Variants in MCPH1 observed in about 807,000 individuals in gnomAD.
MCPH1 encodes the protein microcephalin.
Under a neutral mutation model 84.5 loss-of-function variants are expected in MCPH1, and 104 were observed. The observed-to-expected ratio is 1.23, with a 90% CI of 1.05 to 1.45. MCPH1 has a LOEUF of 1.45. Ranked by LOEUF, MCPH1 falls within the 40% of genes most tolerant of loss-of-function variation. The probability of loss-of-function intolerance (pLI) is 0.00; values close to 1 mark genes in which losing one functional copy is unlikely to be tolerated. For synonymous variants in MCPH1, 514 were observed against 366.8 expected (o/e 1.40, Z -4.58); for missense variants, 1,498 against 1,005.7 (o/e 1.49, Z -6.62).
intron 11 of MCPH1, among the ~76,000 whole-genome samples, chr8:6,485,771 G>T (rs1809815003): frequency 6.6e-6 from 1 of 152,076 alleles, no homozygotes; most frequent in Admixed American, 6.6e-5. Flanking sequence ...AACCATGATG[G>T]CAGTCAGGTA....
At chr8:6,467,530 C>T (rs7011385) in intron 9 of MCPH1, among the ~76,000 whole-genome samples, 11,858 of 152,058 alleles carry the variant, frequency 0.078, 758 homozygotes, top group East Asian at 0.27. Flanking sequence ...TTAACAAAAA[C>T]GAGGGACCAT....
intron 12 of MCPH1, among the ~76,000 whole-genome samples, chr8:6,606,865 C>G (rs1829817680): frequency 6.6e-6 from 1 of 152,218 alleles, no homozygotes; most frequent in African/African-American, 2.4e-5. Context: ...TTTCCCTGCA[C>G]AAGCTCTCTT....
intron 12 of MCPH1, among the ~76,000 whole-genome samples, chr8:6,595,238 C>A (rs2442577): frequency 0.18 from 26,708 of 152,126 alleles, 2,909 homozygotes; most frequent in Non-Finnish European, 0.24. Context: ...GATCCCTGTC[C>A]ACATGGAGAC....
chr8:6,640,095 TGTGC>T (rs1170066051), intron 13 of MCPH1, among the ~76,000 whole-genome samples: 260 of 138,644 alleles, frequency 1.9e-3, no homozygotes, highest in South Asian at 7.6e-3. Flanking sequence ...TGTGTGTGTG[TGTGC>T]GCGCGCGTGT....
At chr8:6,496,555 G>C (rs1426509331) in intron 11 of MCPH1, among the ~76,000 whole-genome samples, 1 of 142,072 alleles carries the variant, frequency 7.0e-6, no homozygotes, top group East Asian at 2.2e-4. Flanking sequence ...TTCCTTTCCA[G>C]TTACATTCCC....
chr8:6,598,147 G>A (rs1273950090), intron 12 of MCPH1, among the ~76,000 whole-genome samples: 1 of 152,212 alleles, frequency 6.6e-6, no homozygotes, highest in Non-Finnish European at 1.5e-5. Flanking sequence ...AGGAGGAAAG[G>A]GGATGCTTCT....
intron 8 of MCPH1, among the ~76,000 whole-genome samples, chr8:6,451,570 T>C (rs1051131288): frequency 6.6e-6 from 1 of 152,212 alleles, no homozygotes; most frequent in Non-Finnish European, 1.5e-5. Flanking sequence ...GTGTTGTTTT[T>C]GTTTTTTTCA....
At chr8:6,448,233 C>G (rs529762290) in intron 8 of MCPH1, among the ~76,000 whole-genome samples, 1 of 152,200 alleles carries the variant, frequency 6.6e-6, no homozygotes, top group African/African-American at 2.4e-5. Flanking sequence ...AGGTGACATC[C>G]GATCACAGGC....
At chr8:6,472,020 G>A (rs1469635902) in intron 9 of MCPH1, among the ~76,000 whole-genome samples, 1 of 152,164 alleles carries the variant, frequency 6.6e-6, no homozygotes, top group Admixed American at 6.5e-5. Flanking sequence ...TAGTTATGGT[G>A]TGCAAAACAG....
intron 4 of MCPH1, among the ~76,000 whole-genome samples, chr8:6,434,264 C>T (rs1802314642): frequency 2.0e-5 from 3 of 152,284 alleles, no homozygotes; most frequent in Middle Eastern, 3.4e-3. Context: ...AACCAGGAAG[C>T]GCAAGATGGA....
At chr8:6,627,633 A>G (rs13439562) in intron 13 of MCPH1, among the ~76,000 whole-genome samples, 3,978 of 152,276 alleles carry the variant, frequency 0.026, 193 homozygotes, top group African/African-American at 0.091. Flanking sequence ...GCCCATGCCT[A>G]TAATCCCAGC....
chr8:6,518,800 T>C (rs1436284062), intron 12 of MCPH1, among the ~76,000 whole-genome samples: 1 of 152,216 alleles, frequency 6.6e-6, no homozygotes, highest in East Asian at 1.9e-4. Flanking sequence ...ACATTTAATA[T>C]ATACAGTTAT....
chr8:6,632,420 T>A (rs1306991558), intron 13 of MCPH1, among the ~76,000 whole-genome samples: 2 of 152,030 alleles, frequency 1.3e-5, no homozygotes, highest in East Asian at 3.8e-4. Flanking sequence ...TATAAAGTTT[T>A]ACAGGAAAAA....
intron 11 of MCPH1, among the ~76,000 whole-genome samples, chr8:6,493,440 C>A (rs1456974215): frequency 6.6e-6 from 1 of 152,184 alleles, no homozygotes. Flanking sequence ...CAGTCTCTAT[C>A]GGTCAATGTC....
intron 5 of MCPH1, among the ~76,000 whole-genome samples, chr8:6,437,433 G>A (rs1802823698): frequency 6.6e-6 from 1 of 152,066 alleles, no homozygotes; most frequent in Non-Finnish European, 1.5e-5. Context: ...GTTTCACCAT[G>A]TTGGCCAGGA....
chr8:6,423,026 T>C (rs1441987662), intron 3 of MCPH1, among the ~76,000 whole-genome samples: 1 of 151,304 alleles, frequency 6.6e-6, no homozygotes, highest in Non-Finnish European at 1.5e-5. Flanking sequence ...TTTCACCATG[T>C]TGGCCAGGCT....
intron 12 of MCPH1, among the ~76,000 whole-genome samples, chr8:6,590,569 C>T (rs1283882530): frequency 6.6e-6 from 1 of 152,176 alleles, no homozygotes; most frequent in Non-Finnish European, 1.5e-5. Flanking sequence ...GAATCTGGTT[C>T]TAAAAACCAA....
In MCPH1 at chr8:6,546,759, C is replaced by G. The variant is rs113996087; in HGVS notation, c.2214+46830C>G. Reference sequence around the variant, plus strand: ...GCTTGCACTTGGTAGGATATAAACTCAACGTACCCTCTTCCTCCCCTTCCC... The same window carrying G: ...GCTTGCACTTGGTAGGATATAAACTGAACGTACCCTCTTCCTCCCCTTCCC... On this transcript the variant is annotated intron_variant, in intron 12 of 13. Transcript: ENST00000344683. 6.3e-3 allele frequency among the ~76,000 whole-genome samples: 962 copies of G among 152,300 alleles called. 16 individuals are homozygous for G. Among genetic ancestry groups the G allele is most frequent in the African/African-American group, 0.022 (913 of 41,552 alleles).
Position 6,492,871 on chromosome 8 carries a change from C to T in MCPH1, c.2137-6981C>T, listed in dbSNP as rs78622773. On this transcript the variant is annotated intron_variant, in intron 11 of 13. Coordinates refer to ENST00000344683, the MANE Select transcript of MCPH1 (RefSeq NM_024596.5). ...GTACTCTTGGGTAGTACAGAGACTG[C>T]ATACTGCGCTTTGCCATGTAAATAC... 1.2e-3 allele frequency among the ~76,000 whole-genome samples: 181 copies of T among 152,090 alleles called. 2 individuals are homozygous for T. In the East Asian group the frequency reaches 0.033, roughly 28 times the overall value.
Sources: allele counts gnomAD v4.1 joint callset (sites outside exome capture counted in the v4.1 genomes callset), GRCh38; gene constraint gnomAD v4.1.1; transcripts MANE v1.5; gene names NCBI Gene and HGNC (gene_info 2026-07-23, HGNC 2026-07-21).